Variants in LOC122455342 observed in about 807,000 individuals in gnomAD.
the LOC122455342 span, chr17:76,568,842 T>C: frequency 3.1e-6 from 5 of 1,596,250 alleles, no homozygotes; most frequent in African/African-American, 6.8e-5. Context: ...AGCCGTCGTA[T>C]TGCAAGGGGG....
chr17:76,569,580 G>A, the LOC122455342 span: 6 of 396,694 alleles, frequency 1.5e-5, no homozygotes, highest in Admixed American at 1.3e-4. Flanking sequence ...GGGTGACAAT[G>A]TTGTTGGAAC....
chr17:76,568,991 C>T, the LOC122455342 span: 1 of 585,432 alleles, frequency 1.7e-6, no homozygotes, highest in Non-Finnish European at 3.0e-6. Flanking sequence ...TTCCCGCTCA[C>T]CAGGACCTCC....
At chr17:76,569,244 G>T in the LOC122455342 span, 1 of 368,314 alleles carries the variant, frequency 2.7e-6, no homozygotes, top group Non-Finnish European at 4.7e-6. Context: ...GCACATAGGG[G>T]GTGATATAGG....
At chr17:76,569,421 G>A in the LOC122455342 span, 6 of 385,022 alleles carry the variant, frequency 1.6e-5, no homozygotes, top group Middle Eastern at 6.6e-4. Flanking sequence ...GGGCAGCCCC[G>A]CGGGGCACGT....
the LOC122455342 span, chr17:76,568,946 A>T: frequency 1.5e-6 from 1 of 678,400 alleles, no homozygotes. Context: ...GGGGTGTAGA[A>T]GGTGGCAGGC....
the LOC122455342 span, chr17:76,568,856 T>C: frequency 6.4e-7 from 1 of 1,563,218 alleles, no homozygotes. Context: ...AAGGGGGAGA[T>C]GGAGGGGAGG....
At chr17:76,569,188 G>T in the LOC122455342 span, 2 of 205,568 alleles carry the variant, frequency 9.7e-6, no homozygotes, top group East Asian at 8.6e-5. Flanking sequence ...TTGGGGAAGT[G>T]GTGCTGTGGG....
chr17:76,569,572 G>A, the LOC122455342 span: 3 of 396,136 alleles, frequency 7.6e-6, no homozygotes, highest in Non-Finnish European at 8.9e-6. Flanking sequence ...GCCTGGAGGG[G>A]TGACAATGTT....
the LOC122455342 span, chr17:76,568,986 G>A: frequency 5.1e-3 from 2,666 of 523,320 alleles, 16 homozygotes; most frequent in Non-Finnish European, 6.0e-3. Flanking sequence ...GCGGCTTCCC[G>A]CTCACCAGGA....
At chr17:76,569,611 G>C in the LOC122455342 span, 3 of 398,370 alleles carry the variant, frequency 7.5e-6, no homozygotes, top group Non-Finnish European at 1.3e-5. Context: ...GGGAGACTGG[G>C]TAGGGGATGG....
chr17:76,568,875 G>A, the LOC122455342 span: 41 of 1,379,892 alleles, frequency 3.0e-5, no homozygotes, highest in Middle Eastern at 2.2e-4. Context: ...GGGTCAGGGC[G>A]CCGGAGTAGC....
chr17:76,569,008 G>A, the LOC122455342 span: 5 of 573,628 alleles, frequency 8.7e-6, no homozygotes, highest in South Asian at 2.1e-5. Context: ...CTCCACGGGC[G>A]GGGTGTAGGA....
chr17:76,569,477 G>A, the LOC122455342 span: 1 of 362,940 alleles, frequency 2.8e-6, no homozygotes, highest in Non-Finnish European at 4.8e-6. Context: ...CGGGAAGAGG[G>A]CTGTGAGGCA....
chr17:76,569,459 A>ACGAAGTC, the LOC122455342 span: 1 of 147,282 alleles, frequency 6.8e-6, no homozygotes, highest in East Asian at 1.6e-4. Context: ...GGGTTCAGGG[A>ACGAAGTC]CGAAGTCCGG....
chr17:76,568,876 C>T, the LOC122455342 span: 8 of 1,385,244 alleles, frequency 5.8e-6, no homozygotes, highest in Non-Finnish European at 6.1e-6. Context: ...GGTCAGGGCG[C>T]CGGAGTAGCC....
chr17:76,568,895 CTGAGCGGTA>C, the LOC122455342 span: 1 of 1,170,264 alleles, frequency 8.5e-7, no homozygotes, highest in South Asian at 1.3e-5. Context: ...CCGCGGTACC[CTGAGCGGTA>C]GGAGCGGGGC....
Sources: allele counts gnomAD v4.1 joint callset, GRCh38; gene constraint gnomAD v4.1.1; transcripts MANE v1.5.